BSCL2: variants seen among roughly 807,000 people sequenced by gnomAD.
BSCL2 encodes BSCL2 lipid droplet biogenesis associated, seipin, also known as seipin.
In BSCL2, 41 loss-of-function variants were observed where a neutral mutation model predicts 57.4. That is an observed-to-expected ratio of 0.71 (90% CI 0.56 to 0.93). BSCL2 has a LOEUF of 0.93. BSCL2 is among the 40% of genes least tolerant of loss of function. The pLI is 0.00. For missense variants in BSCL2, 539 were observed against 586.7 expected (o/e 0.92, Z 0.84); for synonymous variants, 237 against 227.3 (o/e 1.04, Z -0.38).
chr11:62,692,853 C>T, intron 4 of BSCL2, 56 bp from the exon 5 acceptor site: 1 of 1,606,946 alleles, frequency 6.2e-7, no homozygotes, highest in Non-Finnish European at 8.5e-7. Flanking sequence ...TCCCCATGAC[C>T]CTACCTACCC....
At chr11:62,708,498 G>A (rs1378813640), upstream of BSCL2, 1 of 1,191,944 alleles carries the variant, frequency 8.4e-7, no homozygotes, top group African/African-American at 1.5e-5. Flanking sequence ...CACTCCCTGA[G>A]GTCAGGGGAG....
At position 62,705,529 on chromosome 11, in the gene BSCL2, T is replaced by G. The variant is rs1590885382; in HGVS notation, c.176A>C (p.His59Pro). The stretch of plus-strand genomic sequence containing the variant: ...GTTGACCATGGCCGGGAGAGCAGGG[T>G]GTCTGGCCCCAGGTTCAGGCCTTGC... ...RNARPEPGAR[H>P]PALPAMVNDP... The change falls in exon 2 of 11, where the codon CAC (histidine) becomes CCC (proline). Residue 59 changes from histidine (H) to proline (P), a missense_variant. Physicochemically the swap from His to Pro is moderately conservative, Grantham distance 77. Coordinates refer to ENST00000360796, the MANE Select transcript of BSCL2 (RefSeq NM_001122955.4). 1 of 1,612,860 alleles carries G rather than the reference T, an allele frequency of 6.2e-7. No homozygotes were observed. Among genetic ancestry groups the G allele is most frequent in the Non-Finnish European group, 8.5e-7 (1 of 1,179,166 alleles).
In BSCL2 at chr11:62,702,574, TCTG is replaced by T. The variant is rs761566669; in HGVS notation, c.405-28_405-26del. On this transcript the variant is annotated intron_variant, in intron 2 of 10. Transcript: ENST00000360796. The stretch of plus-strand genomic sequence containing the variant: ...CCTAAATGAGATTGGAGGAGGATAC[TCTG>T]CTAAGTTAGTCTTACTAGTCCATCC... The T allele has an allele frequency of 2.8e-5, 45 of 1,592,644 alleles. 1 individual carries two copies. In the South Asian group the frequency reaches 4.2e-4, roughly 15 times the overall value.
At chr11:62,695,833 G>T (rs1945444032) in intron 3 of BSCL2, among the ~76,000 whole-genome samples, 1 of 151,576 alleles carries the variant, frequency 6.6e-6, no homozygotes, top group Non-Finnish European at 1.5e-5. Context: ...GGCAATGGTT[G>T]ACACCACTGA....
At chr11:62,693,643 G>C (rs1945370058) in intron 4 of BSCL2, among the ~76,000 whole-genome samples, 1 of 152,104 alleles carries the variant, frequency 6.6e-6, no homozygotes, top group Non-Finnish European at 1.5e-5. Flanking sequence ...AGTTAAGTCA[G>C]GTGACCCACA....
chr11:62,696,276 T>TGTGTGTGTG (rs1554984014), intron 3 of BSCL2, among the ~76,000 whole-genome samples: 6 of 51,028 alleles, frequency 1.2e-4, no homozygotes, highest in African/African-American at 2.5e-4. Flanking sequence ...TTCATAAACT[T>TGTGTGTGTG]TTTGTGTGTG....
chr11:62,708,505 G>A, upstream of BSCL2: 1 of 1,207,034 alleles, frequency 8.3e-7, no homozygotes, highest in South Asian at 1.2e-5. Context: ...TGAGGTCAGG[G>A]GAGGAGTCTG....
At chr11:62,698,333 G>C (rs1945536736) in intron 3 of BSCL2, among the ~76,000 whole-genome samples, 1 of 152,030 alleles carries the variant, frequency 6.6e-6, no homozygotes, top group East Asian at 1.9e-4. Context: ...CAAGTAGCTG[G>C]GACTACAGGC....
chr11:62,692,659 T>C lies in BSCL2; in HGVS notation c.765+4A>G, dbSNP rs1428055959. On this transcript the variant is annotated splice_donor_region_variant and intron_variant, in intron 5 of 10. Coordinates refer to ENST00000360796, the MANE Select transcript of BSCL2 (RefSeq NM_001122955.4). The stretch of plus-strand genomic sequence containing the variant: ...TAGTCATAAAGCTCGTTCACCTCAC[T>C]CACCGAGTTCTCTCTATAGTCTGCG... 1 of 1,614,028 alleles carries C rather than the reference T, an allele frequency of 6.2e-7. No homozygotes were observed. The highest frequency in any genetic ancestry group is 2.2e-5 in the East Asian group (1 of 44,882).
At chr11:62,702,893 G>A (rs146115680) in intron 2 of BSCL2, among the ~76,000 whole-genome samples, 1 of 152,206 alleles carries the variant, frequency 6.6e-6, no homozygotes, top group East Asian at 1.9e-4. Flanking sequence ...GCTCACGCCT[G>A]TAATCCCAGC....
rs2083515299 is a variant in BSCL2, at chr11:62,705,549, C to T, written c.156G>A (p.Arg52=). ...CAGGGTGTCTGGCCCCAGGTTCAGGCCTTGCGTTCCTAGCTGCTCTGCCAC... is the reference window on the plus strand; with the variant it reads ...CAGGGTGTCTGGCCCCAGGTTCAGGTCTTGCGTTCCTAGCTGCTCTGCCAC... The part of the protein sequence containing the change: ...RPGGRAARNA[R]PEPGARHPAL... Residue 52 remains arginine (R), a synonymous_variant, in exon 2 of 11, where the codon AGG becomes AGA. Coordinates refer to ENST00000360796, the MANE Select transcript of BSCL2 (RefSeq NM_001122955.4). 1.9e-6 allele frequency: 3 copies of T among 1,606,942 alleles called. No homozygotes were observed. The highest frequency in any genetic ancestry group is 1.1e-5 in the South Asian group (1 of 90,538).
At chr11:62,702,864 C>T (rs763574863) in intron 2 of BSCL2, among the ~76,000 whole-genome samples, 50 of 151,674 alleles carry the variant, frequency 3.3e-4, no homozygotes, top group Non-Finnish European at 6.5e-4. Flanking sequence ...AATGTAAATT[C>T]CAGGGCCAAG....
chr11:62,706,775 T>A (rs542609892), intron 1 of BSCL2: 1 of 554,384 alleles, frequency 1.8e-6, no homozygotes, highest in East Asian at 4.6e-5. Flanking sequence ...TCTTGCGTTG[T>A]TGCGCAGGCA....
intron 3 of BSCL2, among the ~76,000 whole-genome samples, chr11:62,698,206 C>CAGAATCCGCA (rs1426241661): frequency 7.1e-6 from 1 of 140,652 alleles, no homozygotes; most frequent in African/African-American, 2.7e-5. Context: ...CGTGCCCGGC[C>CAGAATCCGCA]TCTTCTTTTT....
At chr11:62,700,607 C>T (rs997633685) in intron 3 of BSCL2, among the ~76,000 whole-genome samples, 1 of 152,156 alleles carries the variant, frequency 6.6e-6, no homozygotes, top group Non-Finnish European at 1.5e-5. Context: ...TGCCATTGCA[C>T]TGTAGCCTGG....
intron 2 of BSCL2, 55 bp from the exon 3 acceptor site, chr11:62,702,604 T>C (rs371652166): frequency 3.3e-6 from 5 of 1,498,008 alleles, no homozygotes; most frequent in Non-Finnish European, 4.6e-6. Context: ...AGTCCATCCA[T>C]ACACCTTCTT....
chr11:62,705,698 A>G lies in BSCL2; in HGVS notation c.88-81T>C, dbSNP rs1193751408. On this transcript the variant is annotated intron_variant, in intron 1 of 10. Transcript: ENST00000360796. ...AAAACAGCTTACTGGACTGGCTTTGAGGAACGAGAGATAGCAGGATAGCAA... is the reference window on the plus strand; with the variant it reads ...AAAACAGCTTACTGGACTGGCTTTGGGGAACGAGAGATAGCAGGATAGCAA... 2.0e-5 allele frequency: 26 copies of G among 1,311,066 alleles called. No individual in the cohort carries two copies. The East Asian group carries it at 6.6e-4, about 33-fold the overall frequency. 81.2% of individuals were successfully genotyped at this position (1,311,066 alleles called of 1,614,324 possible).
rs936381647 is a variant in BSCL2 at position 62,703,355 on chromosome 11, T to G, written c.405-806A>C. Reference sequence around the variant, plus strand: ...CCTGGGCATGCATATACGTTTTTTTTTTTTTTTTTTTTTTGAGACGGAGTC... The same window carrying G: ...CCTGGGCATGCATATACGTTTTTTTGTTTTTTTTTTTTTTGAGACGGAGTC... On this transcript the variant is annotated intron_variant, in intron 2 of 10. Coordinates refer to ENST00000360796, the MANE Select transcript of BSCL2 (RefSeq NM_001122955.4). Among the ~76,000 whole-genome samples, 71 of 142,486 alleles carry G rather than the reference T, an allele frequency of 5.0e-4. 1 individual carries two copies. In the South Asian group the frequency reaches 0.012, roughly 24 times the overall value. The allele number at this position is 142,486 out of a possible 152,430, so 93.5% of individuals were successfully genotyped here.
At chr11:62,699,377 T>C (rs1945569890) in intron 3 of BSCL2, among the ~76,000 whole-genome samples, 1 of 151,664 alleles carries the variant, frequency 6.6e-6, no homozygotes, top group African/African-American at 2.4e-5. Context: ...TTTGTATTTT[T>C]AGTAGAGACG....
Sources: gnomAD v4.1 joint callset for allele counts (sites outside exome capture counted in the v4.1 genomes callset) on GRCh38, gnomAD v4.1.1 for gene constraint, MANE v1.5 for transcripts, NCBI Gene and HGNC (gene_info 2026-07-23, HGNC 2026-07-21) for gene names.